LIPJ: variants seen among roughly 807,000 people sequenced by gnomAD.
The protein encoded by LIPJ is lipase member J.
A neutral mutation model predicts 39.8 loss-of-function variants in LIPJ; 33 were observed. The ratio of observed to expected loss-of-function variants is 0.83; its 90% CI spans 0.63 to 1.11. The LOEUF (loss-of-function observed/expected upper bound fraction) is 1.11. Among genes scored for constraint, LIPJ ranks in the 50% least tolerant of loss-of-function variants. The pLI, the probability that LIPJ is intolerant of heterozygous loss-of-function variation, is 0.00. For synonymous variants in LIPJ, 128 were observed against 139.2 expected (o/e 0.92, Z 0.57); for missense variants, 422 against 427.9 (o/e 0.99, Z 0.12).
intron 4 of LIPJ, chr10:88,592,157 T>G (rs2134546201): frequency 6.6e-6 from 1 of 152,106 alleles, no homozygotes; most frequent in South Asian, 2.1e-4. Flanking sequence ...AGAATGTTTC[T>G]TATATTATAG....
chr10:88,594,917 T>G (rs1269705364), intron 6 of LIPJ, 141 bp downstream of exon 6: 2 of 380,280 alleles, frequency 5.3e-6, no homozygotes. Context: ...CAGAATGCCC[T>G]GGAATCTTAC....
At chr10:88,604,744 T>A (rs1251609296) in intron 9 of LIPJ, among the ~76,000 whole-genome samples, 1 of 152,140 alleles carries the variant, frequency 6.6e-6, no homozygotes, top group Non-Finnish European at 1.5e-5. Flanking sequence ...ATTTAATTGA[T>A]GACATTGAGT....
At chr10:88,586,873 C>T (rs576250153) in intron 1 of LIPJ, 28 bp downstream of exon 1, 1 of 152,162 alleles carries the variant, frequency 6.6e-6, no homozygotes, top group Non-Finnish European at 1.5e-5. Flanking sequence ...TGATCAGTGA[C>T]GTTGAACTTC....
At chr10:88,590,640 A>C (rs1265496349) in exon 3 of LIPJ, 1 of 1,484,714 alleles carries the variant, frequency 6.7e-7, no homozygotes, top group Non-Finnish European at 9.4e-7. Flanking sequence ...TCTTGGAATT[A>C]CTCATGGTGT....
At chr10:88,594,342 T>G (rs1173255086) in intron 5 of LIPJ, 198 bp downstream of exon 5, 1 of 561,244 alleles carries the variant, frequency 1.8e-6, no homozygotes, top group East Asian at 3.0e-5. Flanking sequence ...GTTTCAGCAA[T>G]AATCTTTATT....
intron 8 of LIPJ, among the ~76,000 whole-genome samples, chr10:88,600,745 T>C (rs1164909809): frequency 6.6e-6 from 1 of 152,122 alleles, no homozygotes; most frequent in African/African-American, 2.4e-5. Flanking sequence ...TGTGTTGCTA[T>C]AACAGAATAC....
intron 10 of LIPJ, 110 bp from the exon 11 acceptor site, chr10:88,606,564 T>C: frequency 1.6e-6 from 1 of 608,082 alleles, no homozygotes; most frequent in Non-Finnish European, 2.8e-6. Flanking sequence ...TCCATTAGAT[T>C]TGACTTATTT....
intron 8 of LIPJ, among the ~76,000 whole-genome samples, chr10:88,597,942 GTGATGTCTC>G (rs998262541): frequency 2.6e-5 from 4 of 151,884 alleles, no homozygotes; most frequent in African/African-American, 9.7e-5. Flanking sequence ...TAATTATAAT[GTGATGTCTC>G]TGAGAACTCT....
At chr10:88,609,331 G>C (rs1490035874), downstream of LIPJ, among the ~76,000 whole-genome samples, 1 of 152,166 alleles carries the variant, frequency 6.6e-6, no homozygotes, top group African/African-American at 2.4e-5. Context: ...CACTAAAATA[G>C]TACTGAGAAT....
At chr10:88,584,368 A>C (rs1251578072), upstream of LIPJ, 1 of 152,236 alleles carries the variant, frequency 6.6e-6, no homozygotes, top group Non-Finnish European at 1.5e-5. Flanking sequence ...AATACACAAA[A>C]CAAAATACAA....
At chr10:88,600,460 A>G (rs1223989168) in intron 8 of LIPJ, among the ~76,000 whole-genome samples, 1 of 152,210 alleles carries the variant, frequency 6.6e-6, no homozygotes, top group African/African-American at 2.4e-5. Flanking sequence ...CCATTTGACT[A>G]TAAAATAAAT....
At chr10:88,604,302 T>C (rs895814157) in intron 9 of LIPJ, among the ~76,000 whole-genome samples, 2 of 152,180 alleles carry the variant, frequency 1.3e-5, no homozygotes, top group Admixed American at 6.5e-5. Flanking sequence ...TGTAAGGACT[T>C]TGGCATTCAC....
At chr10:88,610,082 G>A (rs1851731969), downstream of LIPJ, among the ~76,000 whole-genome samples, 1 of 152,056 alleles carries the variant, frequency 6.6e-6, no homozygotes, top group African/African-American at 2.4e-5. Flanking sequence ...CTCAGCCTTT[G>A]GGTTGTAACC....
chr10:88,583,226 CGGCGGGGCCGTTCG>C (rs1461396422), upstream of LIPJ: 36 of 1,610,006 alleles, frequency 2.2e-5, no homozygotes, highest in Non-Finnish European at 3.0e-5. Context: ...TGAGTCTCTG[CGGCGGGGCCGTTCG>C]GCCCGGGCTT....
chr10:88,605,686 C>T (rs756656637), exon 10 of LIPJ: 4 of 1,609,798 alleles, frequency 2.5e-6, no homozygotes, highest in Non-Finnish European at 3.4e-6. Context: ...CTGATCTGAA[C>T]TTGGTTCATT....
chr10:88,616,090 A>G, the LIPJ span, among the ~76,000 whole-genome samples: 2 of 152,220 alleles, frequency 1.3e-5, no homozygotes, highest in Non-Finnish European at 2.9e-5. Flanking sequence ...AAATGGATAC[A>G]TAAGTTTTGG....
At chr10:88,599,521 T>C (rs893527019) in intron 8 of LIPJ, among the ~76,000 whole-genome samples, 1 of 152,004 alleles carries the variant, frequency 6.6e-6, no homozygotes, top group African/African-American at 2.4e-5. Context: ...AGTGATACCA[T>C]ACAGTACTTG....
intron 4 of LIPJ, chr10:88,592,736 G>T (rs893726026): frequency 6.6e-6 from 1 of 151,864 alleles, no homozygotes; most frequent in Non-Finnish European, 1.5e-5. Context: ...ATTCTACAGA[G>T]AAAGGAGCAA....
chr10:88,602,817 C>T (rs891456892), intron 9 of LIPJ, among the ~76,000 whole-genome samples, 170 bp downstream of exon 9: 6 of 151,950 alleles, frequency 3.9e-5, no homozygotes, highest in African/African-American at 1.2e-4. Flanking sequence ...TGAGGCTGGG[C>T]GCAATGGCTC....
Sources: allele counts gnomAD v4.1 joint callset (sites outside exome capture counted in the v4.1 genomes callset), GRCh38; gene constraint gnomAD v4.1.1; transcripts MANE v1.5; gene names NCBI Gene and HGNC (gene_info 2026-07-23, HGNC 2026-07-21).